MOB1B: variants seen among roughly 807,000 people sequenced by gnomAD.
MOB1B encodes the protein MOB kinase activator 1B, also known as MOB1 Mps One Binder homolog B.
A neutral mutation model predicts 24.4 loss-of-function variants in MOB1B; 19 were observed. The observed-to-expected ratio is 0.78, with a 90% confidence interval of 0.54 to 1.14. The LOEUF is 1.14. Ranked by LOEUF, MOB1B falls within the 50% of genes most tolerant of loss-of-function variation. MOB1B has a pLI of 0.00. For synonymous variants in MOB1B, 76 were observed against 82.1 expected (o/e 0.93, Z 0.40); for missense variants, 243 against 259.6 (o/e 0.94, Z 0.44).
chr4:70,956,081 T>A (rs780981418), intron 1 of MOB1B, among the ~76,000 whole-genome samples: 14 of 152,062 alleles, frequency 9.2e-5, no homozygotes, highest in Non-Finnish European at 1.9e-4. Flanking sequence ...GGAGCAAATT[T>A]GGTGTTTATT....
chr4:70,956,097 G>T (rs988527075), intron 1 of MOB1B, among the ~76,000 whole-genome samples: 1 of 151,936 alleles, frequency 6.6e-6, no homozygotes, highest in Non-Finnish European at 1.5e-5. Context: ...TTATTACATT[G>T]TCTCATTAAA....
rs1739305972 is a variant in MOB1B at position 70,984,137 on chromosome 4, G to C, written c.*2080G>C. ...CCTTATACAGTAGTACACTGTACTT[G>C]TTTTTAGTAGTAAGACCTACTTTCC... On this transcript the variant is annotated 3_prime_UTR_variant, in exon 6 of 6. Transcript: ENST00000309395. 1 of 152,498 alleles carries C rather than the reference G, an allele frequency of 6.6e-6. No individual in the cohort carries two copies. The highest frequency in any genetic ancestry group is 2.4e-5 in the African/African-American group (1 of 41,420). The allele number at this position is 152,498 out of a possible 1,614,324, so 9.4% of individuals were successfully genotyped here.
chr4:70,948,155 C>T (rs888229315), intron 1 of MOB1B, among the ~76,000 whole-genome samples: 3 of 152,110 alleles, frequency 2.0e-5, no homozygotes, highest in African/African-American at 7.2e-5. Flanking sequence ...GTCCCAGTGT[C>T]CCAAGTAGTA....
At chr4:70,954,495 A>T (rs1737951609) in intron 1 of MOB1B, among the ~76,000 whole-genome samples, 2 of 151,972 alleles carry the variant, frequency 1.3e-5, no homozygotes, top group African/African-American at 4.8e-5. Flanking sequence ...TTGCTGTGTC[A>T]CCCAGGCTGG....
In MOB1B at chr4:70,958,065, C is replaced by T. The variant is rs377633234; in HGVS notation, c.15-809C>T. Among the ~76,000 whole-genome samples, 23 of 152,054 alleles carry T rather than the reference C, an allele frequency of 1.5e-4. No individual in the cohort carries two copies. The East Asian group carries it at 2.9e-3, about 19-fold the overall frequency. Reference sequence around the variant, plus strand: ...CAGAAATTGGAGCAAACCAGCCACACGAATGTCTAGCTACTTAACTGCTTA... The same window carrying T: ...CAGAAATTGGAGCAAACCAGCCACATGAATGTCTAGCTACTTAACTGCTTA... On this transcript the variant is annotated intron_variant, in intron 1 of 5. Coordinates refer to ENST00000309395, the MANE Select transcript of MOB1B (RefSeq NM_173468.4).
intron 1 of MOB1B, among the ~76,000 whole-genome samples, chr4:70,930,098 T>G (rs1013201924): frequency 6.6e-6 from 1 of 152,146 alleles, no homozygotes; most frequent in African/African-American, 2.4e-5. Flanking sequence ...AAAATGAAGT[T>G]TTAACAATTT....
At chr4:70,976,209 A>G (rs960026811) in intron 4 of MOB1B, 3 of 984,926 alleles carry the variant, frequency 3.0e-6, no homozygotes. Flanking sequence ...AGATCAGTAT[A>G]TCTAGGATAG....
In MOB1B at chr4:70,902,384, G is replaced by A. The variant is rs756046549; in HGVS notation, c.-153G>A. 135 of 756,382 alleles carry A rather than the reference G, an allele frequency of 1.8e-4. 2 individuals are homozygous for A. Among genetic ancestry groups the A allele is most frequent in the South Asian group, 1.4e-3 (95 of 67,902 alleles). 46.9% of individuals were successfully genotyped at this position (756,382 alleles called of 1,614,324 possible). A position where few individuals can be genotyped will look rare whatever the true frequency, so the allele number is the denominator to read the frequency against. On this transcript the variant is annotated 5_prime_UTR_variant, in exon 1 of 6. Coordinates refer to ENST00000309395, the MANE Select transcript of MOB1B (RefSeq NM_173468.4). ...TCCCCCTGCCATTGGAACTAGCTGA[G>A]CCGAACTAGTTGCGGCCACCGAGCA...
At chr4:70,921,441 C>T (rs1454803950) in intron 1 of MOB1B, among the ~76,000 whole-genome samples, 2 of 147,654 alleles carry the variant, frequency 1.4e-5, no homozygotes, top group Non-Finnish European at 3.0e-5. Context: ...TGCCAAACTG[C>T]TGATGGATTT....
At chr4:70,917,702 A>G (rs1736250452) in intron 1 of MOB1B, among the ~76,000 whole-genome samples, 1 of 152,210 alleles carries the variant, frequency 6.6e-6, no homozygotes, top group Non-Finnish European at 1.5e-5. Context: ...GCCCTCTTGC[A>G]TGGGAAAGCT....
chr4:70,926,541 T>G (rs1459342986), intron 1 of MOB1B, among the ~76,000 whole-genome samples: 1 of 152,214 alleles, frequency 6.6e-6, no homozygotes, highest in Non-Finnish European at 1.5e-5. Flanking sequence ...CTCATGAAAT[T>G]CCCAAGCCCA....
chr4:70,934,619 A>G (rs1737012836), intron 1 of MOB1B, among the ~76,000 whole-genome samples: 1 of 149,564 alleles, frequency 6.7e-6, no homozygotes, highest in Non-Finnish European at 1.5e-5. Flanking sequence ...ATGCTTGGCT[A>G]ATTTTTTTGT....
intron 1 of MOB1B, among the ~76,000 whole-genome samples, chr4:70,957,913 A>T (rs1204062514): frequency 6.6e-6 from 1 of 151,876 alleles, no homozygotes; most frequent in Non-Finnish European, 1.5e-5. Context: ...CAGCTCTCTT[A>T]AAAACTATTA....
intron 1 of MOB1B, among the ~76,000 whole-genome samples, chr4:70,931,340 G>A (rs1736882776): frequency 6.6e-6 from 1 of 152,154 alleles, no homozygotes; most frequent in South Asian, 2.1e-4. Context: ...GCTCAAAGAG[G>A]TAGGACTTAG....
intron 1 of MOB1B, among the ~76,000 whole-genome samples, chr4:70,921,481 T>TCGCCCCTCCC (rs1553934410): frequency 2.6e-5 from 1 of 38,316 alleles, no homozygotes. Flanking sequence ...TCTTCTCTTC[T>TCGCCCCTCCC]CTCCCCTCCC....
intron 1 of MOB1B, among the ~76,000 whole-genome samples, chr4:70,937,585 C>T (rs983139513): frequency 6.7e-6 from 1 of 149,600 alleles, no homozygotes; most frequent in Non-Finnish European, 1.5e-5. Flanking sequence ...GATCTCGGCT[C>T]ACTGCAATCT....
intron 1 of MOB1B, among the ~76,000 whole-genome samples, chr4:70,945,871 AAAG>A (rs1737551938): frequency 6.6e-6 from 1 of 152,144 alleles, no homozygotes; most frequent in Non-Finnish European, 1.5e-5. Context: ...TTTGGTGAAT[AAAG>A]AAAGTGCAGT....
intron 2 of MOB1B, among the ~76,000 whole-genome samples, chr4:70,965,520 G>T (rs1008663022): frequency 6.6e-6 from 1 of 151,058 alleles, no homozygotes; most frequent in African/African-American, 2.4e-5. Context: ...AAGAGAGGCC[G>T]GGCGCGGTGG....
At chr4:70,963,479 T>C (rs1738386503) in intron 2 of MOB1B, among the ~76,000 whole-genome samples, 1 of 152,164 alleles carries the variant, frequency 6.6e-6, no homozygotes, top group South Asian at 2.1e-4. Context: ...AATCCAAATA[T>C]TATCAATAGT....
Sources: gnomAD v4.1 joint callset for allele counts (sites outside exome capture counted in the v4.1 genomes callset) on GRCh38, gnomAD v4.1.1 for gene constraint, MANE v1.5 for transcripts, NCBI Gene and HGNC (gene_info 2026-07-23, HGNC 2026-07-21) for gene names.